Variants in AGBL4 observed in about 807,000 individuals in gnomAD.
The protein encoded by AGBL4 is AGBL carboxypeptidase 4, also known as cytosolic carboxypeptidase 6.
A neutral mutation model predicts 66.4 loss-of-function variants in AGBL4; 58 were observed. The ratio of observed to expected loss-of-function variants is 0.87; its 90% confidence interval spans 0.71 to 1.09. The LOEUF (loss-of-function observed/expected upper bound fraction) is 1.09. AGBL4 is among the 50% of genes least tolerant of loss of function. The pLI is 0.00. For missense variants in AGBL4, 579 were observed against 631.0 expected (o/e 0.92, Z 0.88); for synonymous variants, 234 against 222.9 (o/e 1.05, Z -0.44).
At chr1:49,640,498 T>A (rs1257186042) in intron 3 of AGBL4, among the ~76,000 whole-genome samples, 3 of 152,174 alleles carry the variant, frequency 2.0e-5, no homozygotes. Flanking sequence ...CTTAGTTTAG[T>A]ATGCAGATCT....
At chr1:49,980,783 A>G (rs1020608427) in intron 1 of AGBL4, among the ~76,000 whole-genome samples, 13 of 152,198 alleles carry the variant, frequency 8.5e-5, no homozygotes, top group Non-Finnish European at 1.5e-4. Context: ...GGATATATAA[A>G]TAGACACTTT....
chr1:48,740,129 T>G (rs938847494), intron 6 of AGBL4, among the ~76,000 whole-genome samples: 3 of 152,228 alleles, frequency 2.0e-5, no homozygotes, highest in African/African-American at 7.2e-5. Flanking sequence ...TTTCTGACAT[T>G]CACTCAAGTA....
intron 9 of AGBL4, among the ~76,000 whole-genome samples, chr1:48,623,184 C>T (rs1202145308): frequency 2.0e-5 from 3 of 152,228 alleles, no homozygotes; most frequent in South Asian, 2.1e-4. Flanking sequence ...CTCAGGAAAT[C>T]TTTAATGGGT....
intron 7 of AGBL4, among the ~76,000 whole-genome samples, chr1:48,654,904 G>A (rs1446872496): frequency 6.6e-6 from 1 of 152,262 alleles, no homozygotes; most frequent in African/African-American, 2.4e-5. Flanking sequence ...CAGTTTGCCA[G>A]TAAACAGGCA....
intron 5 of AGBL4, among the ~76,000 whole-genome samples, chr1:48,951,592 C>A (rs774847477): frequency 2.0e-5 from 3 of 152,170 alleles, no homozygotes; most frequent in Admixed American, 1.3e-4. Flanking sequence ...GGAGAGGTCT[C>A]TCATTCTCTT....
chr1:49,535,817 A>G (rs1651530668), intron 3 of AGBL4, among the ~76,000 whole-genome samples: 1 of 151,852 alleles, frequency 6.6e-6, no homozygotes, highest in African/African-American at 2.4e-5. Context: ...TCAGCCTCCC[A>G]AGTAGCTGGG....
chr1:48,577,168 A>G (rs141738583), intron 11 of AGBL4, among the ~76,000 whole-genome samples: 12 of 152,334 alleles, frequency 7.9e-5, no homozygotes, highest in African/African-American at 2.6e-4. Flanking sequence ...GTTGGAGCTA[A>G]TCTTGGGTCT....
intron 2 of AGBL4, among the ~76,000 whole-genome samples, chr1:49,758,924 T>G (rs970277467): frequency 1.3e-5 from 2 of 152,154 alleles, no homozygotes; most frequent in Admixed American, 1.3e-4. Context: ...AAATCTCATC[T>G]GGAATTGTAA....
chr1:49,859,776 A>G (rs1445191168), intron 1 of AGBL4, among the ~76,000 whole-genome samples: 6 of 152,096 alleles, frequency 3.9e-5, no homozygotes, highest in Admixed American at 3.9e-4. Context: ...ATAAACAAAG[A>G]AAAGAAATTA....
At chr1:48,597,575 T>C (rs1009024839) in intron 9 of AGBL4, among the ~76,000 whole-genome samples, 7 of 151,814 alleles carry the variant, frequency 4.6e-5, no homozygotes, top group Non-Finnish European at 8.8e-5. Flanking sequence ...GGCATGCACC[T>C]GTCAAGCAAG....
chr1:48,544,908 T>C (rs1365767054), intron 11 of AGBL4, among the ~76,000 whole-genome samples: 2 of 152,120 alleles, frequency 1.3e-5, no homozygotes, highest in Non-Finnish European at 2.9e-5. Flanking sequence ...AAAATAGCTA[T>C]TGTTTTAAGC....
chr1:49,888,176 A>G (rs1188056452), intron 1 of AGBL4, among the ~76,000 whole-genome samples: 1 of 152,188 alleles, frequency 6.6e-6, no homozygotes, highest in Non-Finnish European at 1.5e-5. Flanking sequence ...TGTGCAAGAA[A>G]TCAACTGCAC....
At chr1:48,887,313 A>G (rs1650463175) in intron 5 of AGBL4, among the ~76,000 whole-genome samples, 1 of 152,164 alleles carries the variant, frequency 6.6e-6, no homozygotes, top group African/African-American at 2.4e-5. Context: ...TGAGACAACT[A>G]AAACCCACTA....
intron 6 of AGBL4, among the ~76,000 whole-genome samples, chr1:48,786,830 A>C (rs35591628): frequency 0.21 from 32,008 of 151,780 alleles, 4,363 homozygotes; most frequent in East Asian, 0.47. Flanking sequence ...AGACAACTGG[A>C]TAGCCCCAGT....
intron 3 of AGBL4, among the ~76,000 whole-genome samples, chr1:49,372,668 T>C (rs1644386337): frequency 2.2e-5 from 2 of 91,814 alleles, no homozygotes; most frequent in South Asian, 3.3e-4. Context: ...TCTTTCTTTC[T>C]TTCTTTCTTT....
intron 5 of AGBL4, among the ~76,000 whole-genome samples, chr1:48,935,893 A>G (rs1170248033): frequency 7.4e-6 from 1 of 135,090 alleles, no homozygotes. Flanking sequence ...TGGGAGGCGG[A>G]CGTTGCAGTG....
chr1:48,716,535 G>C (rs1647053514), intron 6 of AGBL4, among the ~76,000 whole-genome samples: 1 of 152,074 alleles, frequency 6.6e-6, no homozygotes, highest in African/African-American at 2.4e-5. Flanking sequence ...CCTTGCTTAA[G>C]AGCCATAGGG....
intron 5 of AGBL4, among the ~76,000 whole-genome samples, chr1:48,999,831 C>T (rs1661275035): frequency 6.6e-6 from 1 of 152,114 alleles, no homozygotes; most frequent in South Asian, 2.1e-4. Context: ...GATCTACCAG[C>T]CCCCCTTAGA....
intron 10 of AGBL4, among the ~76,000 whole-genome samples, 157 bp from the exon 11 acceptor site, chr1:48,587,323 C>T (rs998725064): frequency 6.6e-6 from 1 of 152,084 alleles, no homozygotes; most frequent in Non-Finnish European, 1.5e-5. Context: ...ATTAAATAAA[C>T]ATAATTAATG....
Sources: allele counts gnomAD v4.1 joint callset (sites outside exome capture counted in the v4.1 genomes callset), GRCh38; gene constraint gnomAD v4.1.1; transcripts MANE v1.5; gene names NCBI Gene and HGNC (gene_info 2026-07-23, HGNC 2026-07-21).